The following ST3GAL3 variants were observed in gnomAD, a reference collection of about 807,000 sequenced individuals.
ST3GAL3 encodes ST3 beta-galactoside alpha-2,3-sialyltransferase 3, also known as CMP-N-acetylneuraminate-beta-1,4-galactoside alpha-2,3-sialyltransferase.
ST3GAL3 carries 21 observed loss-of-function variants against 50.1 expected under a neutral mutation model. The observed-to-expected ratio is 0.42, with a 90% CI of 0.30 to 0.60. The LOEUF (loss-of-function observed/expected upper bound fraction) is 0.60. Ranked by LOEUF, ST3GAL3 falls within the 20% of genes least tolerant of loss-of-function variation. ST3GAL3 has a pLI of 0.19. For missense variants in ST3GAL3, 353 were observed against 489.4 expected, an observed-to-expected ratio of 0.72 and a Z score of 2.63; for synonymous variants, 183 against 190.0, an observed-to-expected ratio of 0.96 and a Z score of 0.30.
rs190698395 is a variant in ST3GAL3 at position 43,865,064 on chromosome 1, T to A, written c.302+26753T>A. On this transcript the variant is annotated intron_variant, in intron 5 of 11. Coordinates refer to ENST00000347631, the MANE Select transcript of ST3GAL3 (RefSeq NM_006279.5). Reference sequence around the variant, plus strand: ...CAGAGTCTTGCTCTGTCGCCCAGGCTGGAGTGCAGTGGCGCGATCTCGGCT... The same window carrying A: ...CAGAGTCTTGCTCTGTCGCCCAGGCAGGAGTGCAGTGGCGCGATCTCGGCT... Among the ~76,000 whole-genome samples the A allele has an allele frequency of 1.5e-3, 231 of 151,248 alleles. 1 individual carries two copies. Among genetic ancestry groups the A allele is most frequent in the African/African-American group, 5.4e-3 (225 of 41,300 alleles).
At chr1:43,929,969 G>T in intron 11 of ST3GAL3, 163 bp from the exon 12 acceptor site, 1 of 765,056 alleles carries the variant, frequency 1.3e-6, no homozygotes, top group Non-Finnish European at 2.4e-6. Flanking sequence ...TCCTAGAGCA[G>T]GGTCATCATT....
chr1:43,734,285 TTTC>T (rs1430250326), intron 1 of ST3GAL3, among the ~76,000 whole-genome samples: 25 of 144,404 alleles, frequency 1.7e-4, no homozygotes, highest in East Asian at 4.2e-4. Context: ...CTTCTCTTTC[TTTC>T]TTCTTCTTCT....
chr1:43,921,536 C>T (rs1275813648), intron 11 of ST3GAL3: 2 of 399,406 alleles, frequency 5.0e-6, no homozygotes, highest in Non-Finnish European at 8.8e-6. Flanking sequence ...CAGCCTGAAA[C>T]CTGGAAATCT....
chr1:43,921,013 T>A, intron 11 of ST3GAL3, 85 bp downstream of exon 11: 1 of 1,487,048 alleles, frequency 6.7e-7, no homozygotes, highest in Non-Finnish European at 9.1e-7. Flanking sequence ...AGCCAGTGGC[T>A]GGTCTGGCTG....
At chr1:43,734,752 T>C (rs183850098) in intron 1 of ST3GAL3, among the ~76,000 whole-genome samples, 90 of 152,316 alleles carry the variant, frequency 5.9e-4, no homozygotes, top group Admixed American at 2.5e-3. Flanking sequence ...TTGGCTTTCC[T>C]AGGTGGACAA....
At chr1:43,817,353 CTTCTTCT>C (rs2061366211) in intron 4 of ST3GAL3, among the ~76,000 whole-genome samples, 1 of 149,504 alleles carries the variant, frequency 6.7e-6, no homozygotes, top group Non-Finnish European at 1.5e-5. Flanking sequence ...CTTCCTTCTT[CTTCTTCT>C]TCCTTCTTCT....
intron 4 of ST3GAL3, among the ~76,000 whole-genome samples, chr1:43,820,105 C>T (rs1271170311): frequency 6.6e-6 from 1 of 152,098 alleles, no homozygotes; most frequent in Non-Finnish European, 1.5e-5. Context: ...GCTACAAAAA[C>T]AGACACATAG....
chr1:43,911,635 A>G (rs1483703487), intron 9 of ST3GAL3, among the ~76,000 whole-genome samples: 1 of 135,986 alleles, frequency 7.4e-6, no homozygotes, highest in African/African-American at 2.8e-5. Context: ...ATAGATATCT[A>G]TATCTATAGA....
chr1:43,916,839 T>TGCTG (rs1464305827), intron 9 of ST3GAL3: 9 of 152,146 alleles, frequency 5.9e-5, no homozygotes, highest in Non-Finnish European at 1.2e-4. Context: ...CCTGCCAAAG[T>TGCTG]GCTAGGATTA....
intron 9 of ST3GAL3, among the ~76,000 whole-genome samples, chr1:43,904,550 A>G (rs979990937): frequency 6.6e-6 from 1 of 151,714 alleles, no homozygotes; most frequent in African/African-American, 2.4e-5. Context: ...TATCTTAACC[A>G]TTGCTCCTCT....
chr1:43,751,479 A>G (rs1263946149), intron 2 of ST3GAL3, among the ~76,000 whole-genome samples: 1 of 152,250 alleles, frequency 6.6e-6, no homozygotes, highest in Non-Finnish European at 1.5e-5. Context: ...TTGAGTAAAT[A>G]AATAATGGCA....
At chr1:43,926,734 C>G (rs369062867) in intron 11 of ST3GAL3, among the ~76,000 whole-genome samples, 3 of 152,168 alleles carry the variant, frequency 2.0e-5, no homozygotes, top group Admixed American at 6.5e-5. Flanking sequence ...GCGGCCAGTT[C>G]AAAGCTCAGG....
At chr1:43,818,572 GA>G (rs2061696745) in intron 4 of ST3GAL3, among the ~76,000 whole-genome samples, 1 of 152,184 alleles carries the variant, frequency 6.6e-6, no homozygotes, top group African/African-American at 2.4e-5. Context: ...AGCTTCTGTT[GA>G]AGCTTGTTCT....
chr1:43,800,524 G>A (rs976313), intron 3 of ST3GAL3, among the ~76,000 whole-genome samples: 55,664 of 152,000 alleles, frequency 0.37, 10,926 homozygotes, highest in East Asian at 0.59. Context: ...TGCTGCTAAT[G>A]TGAGGGTCTG....
intron 5 of ST3GAL3, chr1:43,858,174 G>A: frequency 7.8e-7 from 1 of 1,289,418 alleles, no homozygotes. Context: ...AACATATCCA[G>A]GCATATGTGC....
intron 3 of ST3GAL3, among the ~76,000 whole-genome samples, chr1:43,804,018 G>C (rs761819094): frequency 6.6e-6 from 1 of 152,192 alleles, no homozygotes; most frequent in Non-Finnish European, 1.5e-5. Flanking sequence ...GTATCTTCAG[G>C]TGCTAGGAGA....
intron 3 of ST3GAL3, among the ~76,000 whole-genome samples, chr1:43,806,228 AC>A (rs1354323433): frequency 6.6e-6 from 1 of 152,184 alleles, no homozygotes; most frequent in South Asian, 2.1e-4. Flanking sequence ...TACTATAAAA[AC>A]ATCTGTGAAA....
intron 3 of ST3GAL3, among the ~76,000 whole-genome samples, chr1:43,797,334 A>G (rs2058792956): frequency 6.6e-6 from 1 of 152,206 alleles, no homozygotes; most frequent in Non-Finnish European, 1.5e-5. Flanking sequence ...ATCTTTTAAA[A>G]GTTGAACAGA....
intron 2 of ST3GAL3, among the ~76,000 whole-genome samples, chr1:43,784,703 A>G (rs1037733667): frequency 2.0e-5 from 3 of 152,244 alleles, no homozygotes; most frequent in Admixed American, 6.5e-5. Flanking sequence ...AGTTAAATTA[A>G]TGAAAGTTAA....
Sources: gnomAD v4.1 joint callset for allele counts (sites outside exome capture counted in the v4.1 genomes callset) on GRCh38, gnomAD v4.1.1 for gene constraint, MANE v1.5 for transcripts, NCBI Gene and HGNC (gene_info 2026-07-23, HGNC 2026-07-21) for gene names.